RFX3: variants seen among roughly 807,000 people sequenced by gnomAD.
RFX3 encodes the protein regulatory factor X3.
A neutral mutation model predicts 98.6 loss-of-function variants in RFX3; 14 were observed. That is an observed-to-expected ratio of 0.14 (90% CI 0.09 to 0.22). RFX3 has a LOEUF of 0.22. Ranked by LOEUF, RFX3 falls within the 10% of genes least tolerant of loss-of-function variation. The pLI is 1.00. For synonymous variants in RFX3, 383 were observed against 328.4 expected, an observed-to-expected ratio of 1.17 and a Z score of -1.80; for missense variants, 639 against 926.9, an observed-to-expected ratio of 0.69 and a Z score of 4.03.
At chr9:3,322,280 T>C (rs1831404983) in intron 4 of RFX3, among the ~76,000 whole-genome samples, 1 of 152,190 alleles carries the variant, frequency 6.6e-6, no homozygotes. Flanking sequence ...AGTTTCCTTT[T>C]GTATCCCTGG....
At chr9:3,348,282 A>T (rs1382321571) in intron 2 of RFX3, among the ~76,000 whole-genome samples, 1 of 152,090 alleles carries the variant, frequency 6.6e-6, no homozygotes, top group Non-Finnish European at 1.5e-5. Context: ...CAATTTTTTA[A>T]AAGTTGTGTA....
chr9:3,280,203 GC>G (rs1825756572), intron 7 of RFX3, among the ~76,000 whole-genome samples: 1 of 151,768 alleles, frequency 6.6e-6, no homozygotes, highest in Non-Finnish European at 1.5e-5. Context: ...CATATGTTAT[GC>G]CTCCTGGGAA....
intron 3 of RFX3, among the ~76,000 whole-genome samples, chr9:3,337,604 G>T (rs3012712): frequency 6.6e-6 from 1 of 152,022 alleles, no homozygotes; most frequent in African/African-American, 2.4e-5. Flanking sequence ...TCAGTACCCA[G>T]GGGTAGCAAT....
chr9:3,371,304 C>A (rs7851558), intron 2 of RFX3, among the ~76,000 whole-genome samples: 1 of 152,006 alleles, frequency 6.6e-6, no homozygotes, highest in Non-Finnish European at 1.5e-5. Flanking sequence ...TAAAATCATG[C>A]AACCAATTCC....
chr9:3,416,141 T>C (rs772675821), intron 1 of RFX3, among the ~76,000 whole-genome samples: 1 of 152,202 alleles, frequency 6.6e-6, no homozygotes, highest in Non-Finnish European at 1.5e-5. Flanking sequence ...ACATGACAAG[T>C]ATATTTGAAG....
At chr9:3,256,860 T>TA in intron 14 of RFX3, 131 bp downstream of exon 14, 1 of 792,982 alleles carries the variant, frequency 1.3e-6, no homozygotes, top group East Asian at 2.4e-5. Flanking sequence ...AAGGTAGTTG[T>TA]AACAGGGAGT....
intron 1 of RFX3, among the ~76,000 whole-genome samples, chr9:3,502,692 T>C (rs929138234): frequency 6.6e-6 from 1 of 152,194 alleles, no homozygotes; most frequent in Non-Finnish European, 1.5e-5. Context: ...ACTTTCATTA[T>C]TTTCACGATT....
intron 3 of RFX3, among the ~76,000 whole-genome samples, chr9:3,342,727 A>G (rs1171656312): frequency 1.3e-5 from 2 of 152,126 alleles, no homozygotes; most frequent in Non-Finnish European, 2.9e-5. Flanking sequence ...CTCTCTCTAC[A>G]TGGTATGCAA....
chr9:3,508,534 A>C (rs79082153), intron 1 of RFX3, among the ~76,000 whole-genome samples: 3,372 of 151,968 alleles, frequency 0.022, 130 homozygotes, highest in African/African-American at 0.076. Context: ...AAAAATGATA[A>C]AGAATAAAAA....
chr9:3,325,284 A>G (rs752652776), intron 4 of RFX3, among the ~76,000 whole-genome samples: 12 of 152,132 alleles, frequency 7.9e-5, no homozygotes, highest in Non-Finnish European at 1.3e-4. Context: ...AAATAAATAA[A>G]AGCACTCATA....
intron 12 of RFX3, among the ~76,000 whole-genome samples, chr9:3,265,615 T>C (rs1245798543): frequency 1.3e-5 from 2 of 152,176 alleles, no homozygotes; most frequent in Non-Finnish European, 2.9e-5. Flanking sequence ...GCATGGCTAG[T>C]AGGAGACAAA....
At chr9:3,474,841 A>G (rs772805921) in intron 1 of RFX3, among the ~76,000 whole-genome samples, 2 of 152,212 alleles carry the variant, frequency 1.3e-5, no homozygotes, top group Non-Finnish European at 2.9e-5. Context: ...TCATGCCTGT[A>G]ATCTCCGCAC....
At chr9:3,273,926 A>G (rs987054889) in intron 9 of RFX3, among the ~76,000 whole-genome samples, 12 of 152,088 alleles carry the variant, frequency 7.9e-5, no homozygotes, top group Non-Finnish European at 7.4e-5. Context: ...ACTTGAACAC[A>G]TGGGAATGAG....
intron 1 of RFX3, among the ~76,000 whole-genome samples, chr9:3,458,201 A>T (rs1847365320): frequency 6.6e-6 from 1 of 152,214 alleles, no homozygotes; most frequent in Non-Finnish European, 1.5e-5. Flanking sequence ...GGGGTCAGTT[A>T]TTAAAAAAGG....
At chr9:3,416,777 A>C (rs1025005030) in intron 1 of RFX3, among the ~76,000 whole-genome samples, 51 of 152,196 alleles carry the variant, frequency 3.4e-4, no homozygotes, top group African/African-American at 1.2e-3. Flanking sequence ...TGGAATCATA[A>C]AAATTATTCA....
In RFX3 at chr9:3,346,687, A is replaced by G; in HGVS notation, c.195T>C (p.Thr65=). Residue 65 remains threonine, a synonymous_variant, in exon 3 of 17, where the codon ACT becomes ACC. Coordinates refer to ENST00000617270, the MANE Select transcript of RFX3 (RefSeq NM_001282116.2). ...AQVQYVEGSD[T]VYTNGAIRTT... Reference sequence around the variant, plus strand: ...CTTACATTGCTCCATTGGTATAGACAGTATCGCTTCCTTCCACATACTGCA... The same window carrying G: ...CTTACATTGCTCCATTGGTATAGACGGTATCGCTTCCTTCCACATACTGCA... The G allele has an allele frequency of 6.2e-7, 1 of 1,610,718 alleles. No individual in the cohort carries two copies.
At chr9:3,273,305 T>C (rs1370907980) in intron 9 of RFX3, among the ~76,000 whole-genome samples, 2 of 152,108 alleles carry the variant, frequency 1.3e-5, no homozygotes, top group Non-Finnish European at 2.9e-5. Context: ...ATGAGAGAGA[T>C]GGTAGGAACA....
chr9:3,308,508 CT>C (rs1829591639), intron 4 of RFX3, among the ~76,000 whole-genome samples: 1 of 152,130 alleles, frequency 6.6e-6, no homozygotes, highest in South Asian at 2.1e-4. Context: ...GTCTCAAAGC[CT>C]GGCAAAGGTT....
At chr9:3,399,709 T>C (rs923891738) in intron 1 of RFX3, among the ~76,000 whole-genome samples, 8 of 152,022 alleles carry the variant, frequency 5.3e-5, no homozygotes, top group African/African-American at 1.9e-4. Context: ...CCCAGCACTT[T>C]GGGAGGCCAA....
Sources: allele counts gnomAD v4.1 joint callset (sites outside exome capture counted in the v4.1 genomes callset), GRCh38; gene constraint gnomAD v4.1.1; transcripts MANE v1.5; gene names NCBI Gene and HGNC (gene_info 2026-07-23, HGNC 2026-07-21).